Variants in CUL2 observed in about 807,000 individuals in gnomAD.
CUL2 encodes cullin 2, also known as cullin-2.
In CUL2, 22 loss-of-function variants were observed where a neutral mutation model predicts 110.2. The observed-to-expected ratio is 0.20, with a 90% CI of 0.14 to 0.28. CUL2 has a LOEUF of 0.28. Ranked by LOEUF, CUL2 falls within the 10% of genes least tolerant of loss-of-function variation. The probability of loss-of-function intolerance (pLI) is 1.00; values close to 1 mark genes in which losing one functional copy is unlikely to be tolerated. For missense variants in CUL2, 631 were observed against 905.5 expected, an observed-to-expected ratio of 0.70 and a Z score of 3.89; for synonymous variants, 279 against 293.2, an observed-to-expected ratio of 0.95 and a Z score of 0.49.
intron 9 of CUL2, among the ~76,000 whole-genome samples, chr10:35,036,475 G>A: frequency 6.6e-6 from 1 of 152,250 alleles, no homozygotes. Context: ...ATATGTTTAG[G>A]AGAACTGCTG....
chr10:35,033,791 G>C (rs2085542122), intron 10 of CUL2, among the ~76,000 whole-genome samples: 1 of 149,642 alleles, frequency 6.7e-6, no homozygotes, highest in South Asian at 2.1e-4. Context: ...AAAATAGCTT[G>C]TCATTCAACA....
chr10:35,067,281 C>T (rs2086556777), intron 2 of CUL2, among the ~76,000 whole-genome samples: 2 of 152,056 alleles, frequency 1.3e-5, no homozygotes, highest in South Asian at 4.1e-4. Context: ...TTTGGACTTA[C>T]TATAACCTTT....
In CUL2 at chr10:35,098,777, C is replaced by A. The variant is rs187443314; in HGVS notation, c.167+2067G>T. Among the ~76,000 whole-genome samples, 484 of 150,726 alleles carry A rather than the reference C, an allele frequency of 3.2e-3. 3 individuals are homozygous for A. Among genetic ancestry groups the A allele is most frequent in the African/African-American group, 0.011 (440 of 41,092 alleles). On this transcript the variant is annotated intron_variant, in intron 2 of 5. Coordinates refer to the CUL2 transcript ENST00000685421. ...GAAACCCCATCTCTACTAAAAAAAA[C>A]CAAAAAATTAGCTGGGCACGGTGGC... is the stretch of plus-strand genomic sequence containing the variant.
chr10:35,122,867 C>T (rs1267821080), intron 1 of CUL2, among the ~76,000 whole-genome samples: 1 of 152,142 alleles, frequency 6.6e-6, no homozygotes, highest in Admixed American at 6.6e-5. Flanking sequence ...TTCTCAAACT[C>T]CTCACCTCAA....
intron 1 of CUL2, among the ~76,000 whole-genome samples, chr10:35,113,181 C>CAAAAAAAAA (rs71660665): frequency 2.7e-5 from 1 of 36,632 alleles, no homozygotes; most frequent in Non-Finnish European, 4.6e-5. Context: ...GACTCCATCT[C>CAAAAAAAAA]AAAAAAAAAA....
chr10:35,075,116 G>A (rs2086781787), intron 1 of CUL2, among the ~76,000 whole-genome samples: 2 of 152,108 alleles, frequency 1.3e-5, no homozygotes, highest in Admixed American at 6.6e-5. Flanking sequence ...TAGATTTCTG[G>A]TACCATAGGA....
chr10:35,025,217 A>AAAC lies in CUL2; in HGVS notation c.1618-20_1618-19insGTT. ...ATTCAAACTGTAAAAAAAAAAAAAAAACACACATTATTTTTAGCTACTATA... is the reference window on the plus strand; with the variant it reads ...ATTCAAACTGTAAAAAAAAAAAAAAAAACACACACATTATTTTTAGCTACTATA... On this transcript the variant is annotated intron_variant, in intron 16 of 20. Transcript: ENST00000374749. 3 of 1,536,742 alleles carry AAAC rather than the reference A, an allele frequency of 2.0e-6. No individual in the cohort carries two copies. The South Asian group carries it at 3.8e-5, about 19-fold the overall frequency.
chr10:35,095,273 G>A (rs2087278297), upstream of CUL2, among the ~76,000 whole-genome samples: 2 of 149,332 alleles, frequency 1.3e-5, no homozygotes, highest in South Asian at 4.2e-4. Flanking sequence ...GCAGTGAACC[G>A]AGATCATGCC....
At position 35,038,957 on chromosome 10, in the gene CUL2, T is replaced by C. The variant is rs755543916; in HGVS notation, c.840A>G (p.Ala280=). The stretch of plus-strand genomic sequence containing the variant: ...CTTGTCGAATTATATTATGACATTC[T>C]GCATGTAAAAACTGTAAGTGGTCTG... ...MVADHLQFLH[A]ECHNIIRQEK... is the part of the protein sequence containing the mutation. Residue 280 remains alanine (A), a synonymous_variant, in exon 9 of 21, where the codon GCA becomes GCG. Coordinates refer to ENST00000374749, the MANE Select transcript of CUL2 (RefSeq NM_003591.4). 2.5e-6 allele frequency: 4 copies of C among 1,606,856 alleles called. No individual in the cohort carries two copies. In the East Asian group the frequency reaches 8.9e-5, roughly 36 times the overall value.
chr10:35,103,194 C>G (rs11010088), intron 1 of CUL2, among the ~76,000 whole-genome samples: 48,899 of 151,446 alleles, frequency 0.32, 8,016 homozygotes, highest in South Asian at 0.35. Flanking sequence ...CCAGGCTGCA[C>G]TGCAGTGGTG....
chr10:35,102,462 C>T (rs1486936900), intron 1 of CUL2, among the ~76,000 whole-genome samples: 1 of 151,710 alleles, frequency 6.6e-6, no homozygotes, highest in African/African-American at 2.4e-5. Flanking sequence ...ATTCCAGCTA[C>T]TTGGGAGGCT....
chr10:35,121,118 C>T (rs575285122), intron 1 of CUL2, among the ~76,000 whole-genome samples: 7 of 152,328 alleles, frequency 4.6e-5, no homozygotes, highest in Non-Finnish European at 1.0e-4. Context: ...AATGTCATGT[C>T]TTCCTATAGG....
intron 8 of CUL2, 86 bp downstream of exon 8, chr10:35,044,480 C>T: frequency 1.3e-6 from 1 of 791,560 alleles, no homozygotes; most frequent in Non-Finnish European, 1.9e-6. Flanking sequence ...CACCAAGAAA[C>T]AAAACAAGAA....
chr10:35,022,125 T>A (rs1314661170), intron 17 of CUL2, among the ~76,000 whole-genome samples: 1 of 152,148 alleles, frequency 6.6e-6, no homozygotes, highest in Non-Finnish European at 1.5e-5. Flanking sequence ...GGGCCAAGGC[T>A]CTGTATTTTA....
chr10:35,049,707 C>T lies in CUL2; in HGVS notation c.482G>A (p.Arg161Gln), dbSNP rs140997018. Residue 161 changes from arginine (R) to glutamine (Q), a missense_variant, in exon 6 of 21, where the codon CGA becomes CAA. Physicochemically the swap from Arg to Gln is conservative, Grantham distance 43. Around this residue, in one of 3 missense-constraint regions of CUL2, gnomAD observed 338 missense variants for 442.5 expected, o/e 0.76. Coordinates refer to ENST00000374749, the MANE Select transcript of CUL2 (RefSeq NM_003591.4). ...CTTTTTGATTTCTCGGAGCAGCATT[C>T]GGATAAGGATGGCCTGAAGTGGTTC... is the stretch of plus-strand genomic sequence containing the variant. ...MVEPLQAILI[R>Q]MLLREIKNDR... 11 of 1,613,148 alleles carry T rather than the reference C, an allele frequency of 6.8e-6. No individual in the cohort carries two copies. The highest frequency in any genetic ancestry group is 2.2e-5 in the South Asian group (2 of 90,888).
chr10:35,038,668 T>A (rs1293557135), intron 9 of CUL2, among the ~76,000 whole-genome samples: 1 of 151,732 alleles, frequency 6.6e-6, no homozygotes, highest in Non-Finnish European at 1.5e-5. Context: ...TCTAAATGCA[T>A]TAAGGAAATT....
intron 1 of CUL2, among the ~76,000 whole-genome samples, chr10:35,076,742 C>CT (rs2086828161): frequency 6.6e-6 from 1 of 152,014 alleles, no homozygotes; most frequent in Non-Finnish European, 1.5e-5. Flanking sequence ...TATATATCTG[C>CT]TTTTTTCTCT....
At chr10:35,114,112 C>A (rs1478350388) in intron 1 of CUL2, among the ~76,000 whole-genome samples, 4 of 149,958 alleles carry the variant, frequency 2.7e-5, no homozygotes. Context: ...TTAGTTGAGA[C>A]GGGGTTTCAC....
At chr10:35,015,399 C>T (rs1409764845) in intron 18 of CUL2, among the ~76,000 whole-genome samples, 1 of 151,810 alleles carries the variant, frequency 6.6e-6, no homozygotes, top group Non-Finnish European at 1.5e-5. Flanking sequence ...ATGCCTTTTA[C>T]AGTTGTTCAG....
Sources: gnomAD v4.1 joint callset for allele counts (sites outside exome capture counted in the v4.1 genomes callset) on GRCh38, gnomAD v4.1.1 for gene constraint, gnomAD v4.1.1 regional missense constraint, MANE v1.5 for transcripts, NCBI Gene and HGNC (gene_info 2026-07-23, HGNC 2026-07-21) for gene names.